The following GRIP1 variants were observed in gnomAD, a reference collection of about 807,000 sequenced individuals.
The protein encoded by GRIP1 is glutamate receptor interacting protein 1.
Under a neutral mutation model 129.9 loss-of-function variants are expected in GRIP1, and 45 were observed. That is an observed-to-expected ratio of 0.35 (90% CI 0.27 to 0.44). The LOEUF is 0.44. GRIP1 is among the 20% of genes least tolerant of loss of function. The pLI, the probability that GRIP1 is intolerant of heterozygous loss-of-function variation, is 1.00. For missense variants in GRIP1, 1,196 were observed against 1,396.8 expected (o/e 0.86, Z 2.29); for synonymous variants, 530 against 520.8 (o/e 1.02, Z -0.24).
At chr12:66,587,552 A>G (rs1351705633) in intron 2 of GRIP1, among the ~76,000 whole-genome samples, 1 of 152,258 alleles carries the variant, frequency 6.6e-6, no homozygotes, top group African/African-American at 2.4e-5. Context: ...ATTCACATCT[A>G]TATTCCTAGC....
intron 1 of GRIP1, among the ~76,000 whole-genome samples, chr12:66,955,827 A>T (rs900622956): frequency 4.6e-5 from 7 of 152,202 alleles, no homozygotes; most frequent in Non-Finnish European, 1.0e-4. Context: ...TATTTAACAA[A>T]AAAGGATCAA....
intron 15 of GRIP1, among the ~76,000 whole-genome samples, chr12:66,419,955 G>A (rs1350125448): frequency 6.6e-6 from 1 of 152,138 alleles, no homozygotes; most frequent in Non-Finnish European, 1.5e-5. Flanking sequence ...AACTTAGCCG[G>A]GCATGGCGGT....
chr12:67,000,932 A>G (rs1180317175), intron 1 of GRIP1, among the ~76,000 whole-genome samples: 1 of 152,202 alleles, frequency 6.6e-6, no homozygotes, highest in East Asian at 1.9e-4. Flanking sequence ...TATACTCCAT[A>G]AGATATCCTT....
At chr12:67,025,562 C>T (rs1484016834) in intron 1 of GRIP1, among the ~76,000 whole-genome samples, 2 of 152,166 alleles carry the variant, frequency 1.3e-5, no homozygotes, top group South Asian at 4.1e-4. Context: ...AATAAATAAA[C>T]GTGCATTACA....
intron 16 of GRIP1, among the ~76,000 whole-genome samples, chr12:66,399,222 G>A (rs760754041): frequency 2.6e-5 from 4 of 152,018 alleles, no homozygotes; most frequent in Admixed American, 1.3e-4. Flanking sequence ...TGCCAGGAGC[G>A]TTGAGTCAGC....
At chr12:66,881,309 T>C (rs749337016) in intron 1 of GRIP1, among the ~76,000 whole-genome samples, 1 of 152,178 alleles carries the variant, frequency 6.6e-6, no homozygotes, top group South Asian at 2.1e-4. Flanking sequence ...AAAGATGCGA[T>C]GTGAGGTTCA....
chr12:66,529,023 C>T (rs947041525), intron 5 of GRIP1, among the ~76,000 whole-genome samples: 1 of 151,914 alleles, frequency 6.6e-6, no homozygotes, highest in Non-Finnish European at 1.5e-5. Flanking sequence ...ATAAAAATGG[C>T]CAACAAACAT....
At chr12:66,827,833 A>T (rs1471088565) in intron 1 of GRIP1, among the ~76,000 whole-genome samples, 1 of 152,234 alleles carries the variant, frequency 6.6e-6, no homozygotes, top group East Asian at 1.9e-4. Context: ...TGTGTCTATA[A>T]TTCAAACTTA....
intron 1 of GRIP1, among the ~76,000 whole-genome samples, chr12:67,005,957 C>A (rs1441189891): frequency 6.6e-6 from 1 of 152,188 alleles, no homozygotes; most frequent in Non-Finnish European, 1.5e-5. Context: ...ATCATCTAAT[C>A]TGCCCGTTAA....
intron 1 of GRIP1, among the ~76,000 whole-genome samples, chr12:67,008,376 G>T (rs1478377091): frequency 2.0e-5 from 3 of 152,092 alleles, no homozygotes; most frequent in Non-Finnish European, 4.4e-5. Flanking sequence ...GCATGTAAAG[G>T]TTTATCTTAA....
intron 1 of GRIP1, among the ~76,000 whole-genome samples, chr12:66,786,646 G>A (rs1211282897): frequency 6.6e-6 from 1 of 152,152 alleles, no homozygotes; most frequent in Non-Finnish European, 1.5e-5. Flanking sequence ...ACTCTGCCTG[G>A]GAGGTGCTGC....
chr12:66,737,855 G>T (rs1314953844), intron 1 of GRIP1, among the ~76,000 whole-genome samples: 1 of 152,170 alleles, frequency 6.6e-6, no homozygotes, highest in African/African-American at 2.4e-5. Flanking sequence ...TGAATTTGAA[G>T]TTCTAATTAA....
intron 14 of GRIP1, among the ~76,000 whole-genome samples, chr12:66,432,093 GAATT>G (rs1427828954): frequency 6.6e-6 from 1 of 151,874 alleles, no homozygotes; most frequent in Admixed American, 6.6e-5. Flanking sequence ...AATACACTGT[GAATT>G]AATATACAAT....
At chr12:66,419,495 GGTACC>G (rs1375477794) in intron 15 of GRIP1, among the ~76,000 whole-genome samples, 1 of 151,436 alleles carries the variant, frequency 6.6e-6, no homozygotes, top group Non-Finnish European at 1.5e-5. Flanking sequence ...TGAGGGGATG[GGTACC>G]CTATTTTCCA....
chr12:66,539,040 A>T (rs374467899), intron 4 of GRIP1, 38 bp downstream of exon 4: 1 of 1,573,434 alleles, frequency 6.4e-7, no homozygotes, highest in African/African-American at 1.4e-5. Context: ...GGGTCTTGGA[A>T]TGTATCCCCT....
intron 2 of GRIP1, among the ~76,000 whole-genome samples, chr12:66,588,008 A>T (rs1037206000): frequency 3.3e-5 from 5 of 151,870 alleles, no homozygotes; most frequent in African/African-American, 1.2e-4. Context: ...TATTTTATAT[A>T]TTTATATATA....
intron 15 of GRIP1, among the ~76,000 whole-genome samples, chr12:66,413,683 G>T (rs1457783731): frequency 6.6e-6 from 1 of 152,144 alleles, no homozygotes; most frequent in Non-Finnish European, 1.5e-5. Context: ...GATAAACATG[G>T]ATGCAAAAAT....
At chr12:66,639,872 A>C (rs2031767260) in intron 1 of GRIP1, among the ~76,000 whole-genome samples, 1 of 152,238 alleles carries the variant, frequency 6.6e-6, no homozygotes, top group Admixed American at 6.6e-5. Flanking sequence ...TTACACTAGT[A>C]GAATTAAAAT....
chr12:66,643,667 C>T (rs111226321), intron 1 of GRIP1, among the ~76,000 whole-genome samples: 7 of 152,202 alleles, frequency 4.6e-5, no homozygotes, highest in South Asian at 2.1e-4. Context: ...CTGGCTCAAG[C>T]GATCCTCCCA....
Sources: gnomAD v4.1 joint callset for allele counts (sites outside exome capture counted in the v4.1 genomes callset) on GRCh38, gnomAD v4.1.1 for gene constraint, MANE v1.5 for transcripts, NCBI Gene and HGNC (gene_info 2026-07-23, HGNC 2026-07-21) for gene names.